Variants in LRBA observed in about 807,000 individuals in gnomAD.
LRBA encodes the protein lipopolysaccharide-responsive and beige-like anchor protein.
Under a neutral mutation model 330.0 loss-of-function variants are expected in LRBA, and 176 were observed. The observed-to-expected ratio is 0.53, with a 90% confidence interval of 0.47 to 0.60. The LOEUF (loss-of-function observed/expected upper bound fraction) is 0.60, where lower values mean the gene tolerates loss of function less well. LRBA is among the 20% of genes least tolerant of loss of function. The probability of loss-of-function intolerance (pLI) is 0.00; values close to 1 mark genes in which losing one functional copy is unlikely to be tolerated. For missense variants in LRBA, 3,259 were observed against 3,444.8 expected, an observed-to-expected ratio of 0.95 and a Z score of 1.35; for synonymous variants, 1,230 against 1,193.0, an observed-to-expected ratio of 1.03 and a Z score of -0.64.
At chr4:150,848,768 T>C in intron 26 of LRBA, 50 bp downstream of exon 26, 1 of 1,412,570 alleles carries the variant, frequency 7.1e-7, no homozygotes, top group Non-Finnish European at 9.7e-7. Context: ...CATCTCTGAA[T>C]TACTGAAAAA....
rs1765071085 is a variant in LRBA at position 150,539,393 on chromosome 4, GC to G, written c.6331-48359del. 3.3e-5 allele frequency among the ~76,000 whole-genome samples: 5 copies of G among 152,138 alleles called. 1 individual carries two copies. In the South Asian group the frequency reaches 1.0e-3, roughly 32 times the overall value. On this transcript the variant is annotated intron_variant, in intron 40 of 56. Coordinates refer to ENST00000651943, the MANE Select transcript of LRBA (RefSeq NM_001364905.1). ...TTTTTTACCCCAATTTCTAAACTAGGCTATTCTAAGGTATTTTCTTCTTTCA... is the reference window on the plus strand; with the variant it reads ...TTTTTTACCCCAATTTCTAAACTAGGTATTCTAAGGTATTTTCTTCTTTCA...
rs527860186 is a variant in LRBA at position 150,988,775 on chromosome 4, T to A, written c.216+25652A>T. On this transcript the variant is annotated intron_variant, in intron 2 of 56. Transcript: ENST00000651943. ...TGTATTTTCAGTAGAGACAGGGTTT[T>A]CCCATGTTGGCCAGGATGGTCTCGA... Among the ~76,000 whole-genome samples, 6 of 152,144 alleles carry A rather than the reference T, an allele frequency of 3.9e-5. No homozygotes were observed. The South Asian group carries it at 1.2e-3, about 32-fold the overall frequency.
At chr4:150,853,457 C>T (rs1407854605) in intron 22 of LRBA, among the ~76,000 whole-genome samples, 1 of 152,152 alleles carries the variant, frequency 6.6e-6, no homozygotes, top group East Asian at 1.9e-4. Flanking sequence ...AATACAAATT[C>T]TTTTAGCAAT....
intron 40 of LRBA, among the ~76,000 whole-genome samples, chr4:150,502,569 A>G (rs933651203): frequency 6.6e-6 from 1 of 152,144 alleles, no homozygotes; most frequent in Non-Finnish European, 1.5e-5. Context: ...AAAAGACATC[A>G]AGGGGAGCCA....
At chr4:150,773,389 C>T (rs531458285) in intron 34 of LRBA, among the ~76,000 whole-genome samples, 7 of 152,312 alleles carry the variant, frequency 4.6e-5, no homozygotes, top group African/African-American at 9.6e-5. Flanking sequence ...GCATTTGTCA[C>T]GTCTATTAGG....
At chr4:150,973,302 G>A (rs972194110) in intron 2 of LRBA, among the ~76,000 whole-genome samples, 1 of 151,994 alleles carries the variant, frequency 6.6e-6, no homozygotes, top group Non-Finnish European at 1.5e-5. Flanking sequence ...CGAGTAGCTG[G>A]GATTACAGGC....
intron 36 of LRBA, among the ~76,000 whole-genome samples, chr4:150,725,749 C>T (rs1225586249): frequency 2.0e-5 from 3 of 152,038 alleles, no homozygotes; most frequent in Admixed American, 6.6e-5. Context: ...AAATAATGAA[C>T]CAATGAATAA....
intron 15 of LRBA, among the ~76,000 whole-genome samples, chr4:150,897,349 A>T (rs1730202489): frequency 6.6e-6 from 1 of 152,058 alleles, no homozygotes; most frequent in Non-Finnish European, 1.5e-5. Flanking sequence ...AGGCTCATAC[A>T]CCTACCTGGT....
At chr4:150,942,858 T>C (rs1244200534) in intron 2 of LRBA, among the ~76,000 whole-genome samples, 2 of 152,176 alleles carry the variant, frequency 1.3e-5, no homozygotes, top group African/African-American at 4.8e-5. Context: ...TAATAATCTA[T>C]TATTTAAGTT....
chr4:150,566,291 C>T (rs1324996499), intron 40 of LRBA, among the ~76,000 whole-genome samples: 1 of 152,056 alleles, frequency 6.6e-6, no homozygotes, highest in Non-Finnish European at 1.5e-5. Flanking sequence ...TTTTGAAATA[C>T]TTTAAGTATA....
At chr4:150,272,087 C>T (rs762873526) in intron 56 of LRBA, among the ~76,000 whole-genome samples, 30 of 152,170 alleles carry the variant, frequency 2.0e-4, no homozygotes, top group Non-Finnish European at 3.7e-4. Context: ...TACAGGAGAG[C>T]TCTGGCGGAG....
chr4:150,506,529 C>T lies in LRBA; in HGVS notation c.6331-15494G>A, dbSNP rs145302013. ...AAGGCCTTTGACAAAATTCAACAACCCTTCATGCTAAAAACTCTCAATAAA... is the reference window on the plus strand; with the variant it reads ...AAGGCCTTTGACAAAATTCAACAACTCTTCATGCTAAAAACTCTCAATAAA... On this transcript the variant is annotated intron_variant, in intron 40 of 56. Coordinates refer to ENST00000651943, the MANE Select transcript of LRBA (RefSeq NM_001364905.1). Among the ~76,000 whole-genome samples the T allele has an allele frequency of 7.2e-5, 11 of 152,186 alleles. No homozygotes were observed. The East Asian group carries it at 1.5e-3, about 21-fold the overall frequency.
intron 53 of LRBA, among the ~76,000 whole-genome samples, chr4:150,299,140 T>A (rs956664658): frequency 6.6e-6 from 1 of 152,052 alleles, no homozygotes; most frequent in Admixed American, 6.5e-5. Flanking sequence ...GAAATAACTA[T>A]CTCAGGAAAA....
At chr4:150,376,980 A>T (rs771514801) in intron 47 of LRBA, among the ~76,000 whole-genome samples, 9 of 151,936 alleles carry the variant, frequency 5.9e-5, no homozygotes, top group Non-Finnish European at 1.2e-4. Flanking sequence ...GAGTGAGGGG[A>T]ATCTACCTAC....
At chr4:150,338,684 G>C (rs540662865) in intron 48 of LRBA, among the ~76,000 whole-genome samples, 8 of 152,176 alleles carry the variant, frequency 5.3e-5, no homozygotes, top group South Asian at 2.1e-4. Context: ...TAAAGGATTT[G>C]TAACCAAATA....
chr4:150,657,658 T>G (rs1193686622), intron 37 of LRBA, among the ~76,000 whole-genome samples: 4 of 151,940 alleles, frequency 2.6e-5, no homozygotes, highest in African/African-American at 4.8e-5. Flanking sequence ...TAAAAGGGGG[T>G]TTTAAGATTC....
chr4:150,775,245 G>T (rs1737112859), intron 34 of LRBA, among the ~76,000 whole-genome samples: 1 of 152,120 alleles, frequency 6.6e-6, no homozygotes, highest in Non-Finnish European at 1.5e-5. Context: ...ACAGTACACG[G>T]AAGTGTATCT....
At chr4:150,785,968 C>A (rs62346344) in intron 34 of LRBA, among the ~76,000 whole-genome samples, 1 of 152,148 alleles carries the variant, frequency 6.6e-6, no homozygotes, top group Non-Finnish European at 1.5e-5. Context: ...ACCACGGAAT[C>A]ATCTTTGGGA....
intron 40 of LRBA, among the ~76,000 whole-genome samples, chr4:150,517,405 C>A (rs1293502111): frequency 6.6e-6 from 1 of 152,020 alleles, no homozygotes; most frequent in Non-Finnish European, 1.5e-5. Flanking sequence ...GCCATAGTCC[C>A]AGCTACTCAG....
Sources: gnomAD v4.1 joint callset for allele counts (sites outside exome capture counted in the v4.1 genomes callset) on GRCh38, gnomAD v4.1.1 for gene constraint, MANE v1.5 for transcripts, NCBI Gene and HGNC (gene_info 2026-07-23, HGNC 2026-07-21) for gene names.